The following ZHX2 variants were observed in gnomAD, a reference collection of about 807,000 sequenced individuals.
The protein encoded by ZHX2 is zinc fingers and homeoboxes protein 2.
ZHX2 carries 6 observed loss-of-function variants against 21.9 expected under a neutral mutation model. The observed-to-expected ratio is 0.27, with a 90% CI of 0.15 to 0.54. The LOEUF is 0.54. ZHX2 is among the 20% of genes least tolerant of loss of function. ZHX2 has a pLI of 0.95. For synonymous variants in ZHX2, 434 were observed against 437.1 expected (o/e 0.99, Z 0.09); for missense variants, 908 against 1,090.7 (o/e 0.83, Z 2.36).
intron 2 of ZHX2, among the ~76,000 whole-genome samples, chr8:122,886,682 TATAAC>T (rs1274992350): frequency 7.2e-5 from 11 of 152,212 alleles, no homozygotes; most frequent in African/African-American, 2.7e-4. Context: ...AGCAATGTGA[TATAAC>T]AGAATTAACA....
intron 2 of ZHX2, among the ~76,000 whole-genome samples, chr8:122,877,640 A>G (rs1819601717): frequency 6.6e-6 from 1 of 152,152 alleles, no homozygotes. Context: ...AAGCACACAA[A>G]TGGTGGTACT....
intron 1 of ZHX2, among the ~76,000 whole-genome samples, chr8:122,826,602 A>G (rs903670503): frequency 4.6e-5 from 7 of 152,150 alleles, no homozygotes; most frequent in African/African-American, 1.7e-4. Context: ...AAATCCTGAC[A>G]CGGAGCTAAC....
intron 1 of ZHX2, among the ~76,000 whole-genome samples, chr8:122,787,140 G>A (rs1053134427): frequency 1.3e-5 from 2 of 151,488 alleles, no homozygotes; most frequent in Non-Finnish European, 2.9e-5. Flanking sequence ...CAGAAAAACA[G>A]TCCTGACAAC....
intron 2 of ZHX2, among the ~76,000 whole-genome samples, chr8:122,897,358 C>T (rs1182686379): frequency 1.3e-5 from 2 of 152,188 alleles, no homozygotes; most frequent in Admixed American, 1.3e-4. Context: ...TGAGTTAGTG[C>T]TTTTGAGCAC....
At chr8:122,799,889 G>GT (rs1817683681) in intron 1 of ZHX2, among the ~76,000 whole-genome samples, 1 of 151,946 alleles carries the variant, frequency 6.6e-6, no homozygotes, top group South Asian at 2.1e-4. Flanking sequence ...TTGAGATGGA[G>GT]TTTCACTCTT....
intron 1 of ZHX2, among the ~76,000 whole-genome samples, chr8:122,833,605 G>C (rs1818427449): frequency 6.6e-6 from 1 of 152,132 alleles, no homozygotes; most frequent in Non-Finnish European, 1.5e-5. Flanking sequence ...GGGTTGATGC[G>C]TTGGGTACTA....
chr8:122,972,389 G>A (rs1401061128), intron 3 of ZHX2, among the ~76,000 whole-genome samples: 1 of 152,126 alleles, frequency 6.6e-6, no homozygotes, highest in Non-Finnish European at 1.5e-5. Context: ...TCTTCCTACT[G>A]ATTCTTAATA....
intron 2 of ZHX2, among the ~76,000 whole-genome samples, chr8:122,949,913 C>A (rs979254857): frequency 6.6e-6 from 1 of 151,966 alleles, no homozygotes; most frequent in African/African-American, 2.4e-5. Flanking sequence ...AACAAAAATC[C>A]AAAAAACTGT....
intron 2 of ZHX2, among the ~76,000 whole-genome samples, chr8:122,941,159 A>C (rs1424827852): frequency 1.3e-5 from 2 of 151,706 alleles, no homozygotes; most frequent in African/African-American, 2.4e-5. Context: ...AGGTGGGAGG[A>C]TCACTTGAAC....
intron 2 of ZHX2, among the ~76,000 whole-genome samples, chr8:122,913,159 G>A (rs755347826): frequency 1.4e-4 from 21 of 152,136 alleles, no homozygotes; most frequent in Admixed American, 3.3e-4. Context: ...TTCACTTAGC[G>A]TAGTGGTTTT....
Position 122,830,294 on chromosome 8 carries a change from G to A in ZHX2, c.-282-33183G>A, listed in dbSNP as rs193036969. Among the ~76,000 whole-genome samples the A allele has an allele frequency of 1.7e-3, 261 of 152,322 alleles. 3 individuals carry two copies. In the Middle Eastern group the frequency reaches 0.027, roughly 16 times the overall value. ...CCTGTTTCTTGATCTTCAGGGGTAC[G>A]TGTCTTCCAGCTGGCCTTCTTCCTG... On this transcript the variant is annotated intron_variant, in intron 1 of 3. Transcript: ENST00000314393.
chr8:122,783,255 T>G (rs749662515), intron 1 of ZHX2, among the ~76,000 whole-genome samples: 34 of 152,156 alleles, frequency 2.2e-4, no homozygotes, highest in Non-Finnish European at 3.4e-4. Flanking sequence ...ATAAGGACTT[T>G]CCCTCGACCC....
intron 1 of ZHX2, among the ~76,000 whole-genome samples, chr8:122,792,152 C>T (rs1207110618): frequency 6.6e-6 from 1 of 152,166 alleles, no homozygotes; most frequent in Non-Finnish European, 1.5e-5. Flanking sequence ...TCCCCGCCCA[C>T]CTTAGCCCAA....
chr8:122,896,089 A>G (rs1291522862), intron 2 of ZHX2, among the ~76,000 whole-genome samples: 1 of 152,122 alleles, frequency 6.6e-6, no homozygotes, highest in Admixed American at 6.6e-5. Flanking sequence ...TCCTGCCTGA[A>G]GCTGGAATGC....
chr8:122,906,385 G>A (rs1820347805), intron 2 of ZHX2, among the ~76,000 whole-genome samples: 1 of 152,216 alleles, frequency 6.6e-6, no homozygotes, highest in Non-Finnish European at 1.5e-5. Flanking sequence ...AATGGCTTAT[G>A]CTACATTGAG....
intron 1 of ZHX2, among the ~76,000 whole-genome samples, chr8:122,841,267 G>A (rs1818619383): frequency 6.6e-6 from 1 of 152,178 alleles, no homozygotes; most frequent in South Asian, 2.1e-4. Flanking sequence ...CCTGGGGATA[G>A]CGGGAAGTCA....
intron 2 of ZHX2, among the ~76,000 whole-genome samples, chr8:122,874,757 T>C (rs1658602687): frequency 1.1e-4 from 16 of 152,090 alleles, no homozygotes; most frequent in Admixed American, 1.0e-3. Context: ...CAGTAGATCA[T>C]AGTTCTGCCA....
At chr8:122,871,969 G>A (rs936846969) in intron 2 of ZHX2, among the ~76,000 whole-genome samples, 4 of 152,110 alleles carry the variant, frequency 2.6e-5, no homozygotes, top group Admixed American at 2.6e-4. Flanking sequence ...AGGAAGAAAT[G>A]GGCATCACCC....
At chr8:122,916,823 A>T (rs1402289630) in intron 2 of ZHX2, among the ~76,000 whole-genome samples, 1 of 151,622 alleles carries the variant, frequency 6.6e-6, no homozygotes, top group Non-Finnish European at 1.5e-5. Context: ...ATCTGTCTCC[A>T]CACTCCCCAC....
Sources: gnomAD v4.1 joint callset for allele counts (sites outside exome capture counted in the v4.1 genomes callset) on GRCh38, gnomAD v4.1.1 for gene constraint, MANE v1.5 for transcripts, NCBI Gene and HGNC (gene_info 2026-07-23, HGNC 2026-07-21) for gene names.